Variants in ZFYVE16 observed in about 807,000 individuals in gnomAD.
The protein encoded by ZFYVE16 is zinc finger FYVE-type containing 16.
A neutral mutation model predicts 138.1 loss-of-function variants in ZFYVE16; 89 were observed. That is an observed-to-expected ratio of 0.64 (90% CI 0.54 to 0.77). ZFYVE16 has a LOEUF of 0.77. Among genes scored for constraint, ZFYVE16 ranks in the 30% least tolerant of loss-of-function variants. ZFYVE16 has a pLI of 0.00. For synonymous variants in ZFYVE16, 596 were observed against 618.3 expected (o/e 0.96, Z 0.53); for missense variants, 1,793 against 1,786.7 (o/e 1.00, Z -0.06).
At chr5:80,436,183 T>A (rs1749878555) in intron 3 of ZFYVE16, among the ~76,000 whole-genome samples, 1 of 152,200 alleles carries the variant, frequency 6.6e-6, no homozygotes, top group African/African-American at 2.4e-5. Flanking sequence ...GCCTCTTAAG[T>A]GGCCCATCTT....
At position 80,437,763 on chromosome 5, in the gene ZFYVE16, T is replaced by C; in HGVS notation, c.1078T>C (p.Ser360Pro). 6.2e-7 allele frequency: 1 copy of C among 1,614,098 alleles called. No individual in the cohort carries two copies. The highest frequency in any genetic ancestry group is 8.5e-7 in the Non-Finnish European group (1 of 1,179,986). ...DLKDNDVIQD[S>P]SSALHVSSKD... Reference sequence around the variant, plus strand: ...TAAGGATAATGATGTAATCCAAGATTCCTCTTCAGCTTTACATGTTTCCAG... The same window carrying C: ...TAAGGATAATGATGTAATCCAAGATCCCTCTTCAGCTTTACATGTTTCCAG... Residue 360 changes from serine to proline, a missense_variant, in exon 4 of 19, where the codon TCC becomes CCC. This residue lies in a region of ZFYVE16 where 1,295 missense variants were observed against 1,204.3 expected (regional missense o/e 1.08). Coordinates refer to ENST00000505560, the MANE Select transcript of ZFYVE16 (RefSeq NM_001284236.3).
At chr5:80,445,130 C>A in intron 6 of ZFYVE16, 133 bp from the exon 7 acceptor site, 1 of 909,700 alleles carries the variant, frequency 1.1e-6, no homozygotes, top group Non-Finnish European at 1.6e-6. Flanking sequence ...TTCTCTAGAT[C>A]TTTGTAGCCC....
At chr5:80,458,923 T>G (rs1215315692) in intron 14 of ZFYVE16, among the ~76,000 whole-genome samples, 2 of 152,202 alleles carry the variant, frequency 1.3e-5, no homozygotes, top group African/African-American at 4.8e-5. Flanking sequence ...ATAAAAACAT[T>G]AAATTATTTT....
chr5:80,466,817 G>A (rs1316600511), intron 15 of ZFYVE16, among the ~76,000 whole-genome samples: 1 of 152,136 alleles, frequency 6.6e-6, no homozygotes, highest in African/African-American at 2.4e-5. Context: ...CAGAACTCTG[G>A]AAATTAGCCA....
intron 11 of ZFYVE16, chr5:80,455,058 ATC>A (rs1292522396): frequency 6.6e-6 from 1 of 152,242 alleles, no homozygotes; most frequent in Non-Finnish European, 1.5e-5. Context: ...CTAATTTCAA[ATC>A]TGTTTCACCA....
chr5:80,444,113 A>G (rs1751027812), intron 6 of ZFYVE16, among the ~76,000 whole-genome samples: 1 of 152,208 alleles, frequency 6.6e-6, no homozygotes. Flanking sequence ...GTAACATGCT[A>G]GAAAAGAATC....
At chr5:80,461,845 G>A (rs888729015) in intron 15 of ZFYVE16, among the ~76,000 whole-genome samples, 44 of 152,118 alleles carry the variant, frequency 2.9e-4, no homozygotes, top group African/African-American at 8.0e-4. Flanking sequence ...GGTGGCGGGC[G>A]CCTGTAATCC....
At chr5:80,426,760 C>T (rs984296090) in intron 1 of ZFYVE16, among the ~76,000 whole-genome samples, 3 of 152,026 alleles carry the variant, frequency 2.0e-5, no homozygotes, top group African/African-American at 7.2e-5. Flanking sequence ...ATGCATGTAT[C>T]TTTATAATAG....
chr5:80,470,671 T>A (rs1202509341), intron 15 of ZFYVE16, among the ~76,000 whole-genome samples: 1 of 152,000 alleles, frequency 6.6e-6, no homozygotes, highest in African/African-American at 2.4e-5. Flanking sequence ...CCACCACACC[T>A]GGCTAATTTT....
intron 2 of ZFYVE16, 81 bp from the exon 3 acceptor site, chr5:80,434,028 C>G: frequency 3.3e-6 from 3 of 907,178 alleles, no homozygotes; most frequent in Non-Finnish European, 5.0e-6. Flanking sequence ...AATTTCTTGA[C>G]TGTGTTTCCT....
At chr5:80,470,111 T>G (rs1406152048) in intron 15 of ZFYVE16, among the ~76,000 whole-genome samples, 3 of 40,672 alleles carry the variant, frequency 7.4e-5, no homozygotes, top group African/African-American at 1.2e-4. Context: ...ATTTTTTTTT[T>G]TTTTTTTTGA....
At chr5:80,434,928 G>A (rs1749659541) in intron 3 of ZFYVE16, among the ~76,000 whole-genome samples, 1 of 151,820 alleles carries the variant, frequency 6.6e-6, no homozygotes, top group African/African-American at 2.4e-5. Context: ...GTGGCGCCAT[G>A]TCAGCTCACT....
intron 1 of ZFYVE16, among the ~76,000 whole-genome samples, chr5:80,408,611 C>G (rs1026481639): frequency 1.3e-5 from 2 of 152,234 alleles, no homozygotes; most frequent in East Asian, 3.9e-4. Flanking sequence ...GGTGCTCTCG[C>G]ACTGTCCATT....
At chr5:80,447,037 G>A (rs1032101227) in intron 7 of ZFYVE16, among the ~76,000 whole-genome samples, 2 of 152,090 alleles carry the variant, frequency 1.3e-5, no homozygotes, top group African/African-American at 4.8e-5. Context: ...CGAGGTGGGC[G>A]GATCATCTGA....
rs1044414722 is a variant in ZFYVE16, at chr5:80,479,807, A to G, written c.*2430A>G. Among the ~76,000 whole-genome samples, 1 of 152,198 alleles carries G rather than the reference A, an allele frequency of 6.6e-6. No individual in the cohort carries two copies. ...AGAAATTAAAGTTCAGGGCCCATAT[A>G]AGGTGATGAACCTAACAGGAGACCC... On this transcript the variant is annotated 3_prime_UTR_variant, in exon 19 of 19. Transcript: ENST00000505560.
intron 1 of ZFYVE16, among the ~76,000 whole-genome samples, chr5:80,410,738 T>C (rs1006631086): frequency 1.3e-5 from 2 of 151,558 alleles, no homozygotes; most frequent in African/African-American, 4.9e-5. Flanking sequence ...GCCCAGCTAA[T>C]TTTTGTAGTT....
chr5:80,456,134 G>C, intron 12 of ZFYVE16: 1 of 292,926 alleles, frequency 3.4e-6, no homozygotes, highest in South Asian at 5.3e-5. Context: ...GCAAATTATG[G>C]CCTTAGTTTT....
intron 15 of ZFYVE16, among the ~76,000 whole-genome samples, chr5:80,463,243 C>T (rs946411698): frequency 6.6e-6 from 1 of 152,176 alleles, no homozygotes; most frequent in Non-Finnish European, 1.5e-5. Context: ...GCCTGGACAT[C>T]CAGGCATTTC....
chr5:80,469,919 T>A (rs1322831869), intron 15 of ZFYVE16, among the ~76,000 whole-genome samples: 2 of 151,840 alleles, frequency 1.3e-5, no homozygotes, highest in East Asian at 3.9e-4. Context: ...CTTTTTCCAG[T>A]TTGTATTTCT....
Sources: gnomAD v4.1 joint callset for allele counts (sites outside exome capture counted in the v4.1 genomes callset) on GRCh38, gnomAD v4.1.1 for gene constraint, gnomAD v4.1.1 regional missense constraint, MANE v1.5 for transcripts, NCBI Gene and HGNC (gene_info 2026-07-23, HGNC 2026-07-21) for gene names.